Variants in KMT2C observed in about 807,000 individuals in gnomAD.
KMT2C encodes histone-lysine N-methyltransferase 2C.
A neutral mutation model predicts 507.9 loss-of-function variants in KMT2C; 88 were observed. The ratio of observed to expected loss-of-function variants is 0.17; its 90% CI spans 0.15 to 0.21. The LOEUF (loss-of-function observed/expected upper bound fraction) is 0.21. Ranked by LOEUF, KMT2C falls within the 10% of genes least tolerant of loss-of-function variation. The pLI, the probability that KMT2C is intolerant of heterozygous loss-of-function variation, is 1.00. For synonymous variants in KMT2C, 2,049 were observed against 2,080.8 expected (o/e 0.98, Z 0.42); for missense variants, 4,954 against 5,957.8 (o/e 0.83, Z 5.55).
chr7:152,212,621 A>G (rs1490974345), intron 23 of KMT2C, among the ~76,000 whole-genome samples: 1 of 151,696 alleles, frequency 6.6e-6, no homozygotes, highest in African/African-American at 2.4e-5. Context: ...TAATGATCTG[A>G]AAAAAAAATG....
rs965923474 is a variant in KMT2C at position 152,360,102 on chromosome 7, G to T, written c.162-1427C>A. Reference sequence around the variant, plus strand: ...GGGGGGGGGACAATATGAAATAAAAGAATAATATGAAAAAAGAATAAAACA... The same window carrying T: ...GGGGGGGGGACAATATGAAATAAAATAATAATATGAAAAAAGAATAAAACA... On this transcript the variant is annotated intron_variant, in intron 1 of 58. Coordinates refer to ENST00000262189, the MANE Select transcript of KMT2C (RefSeq NM_170606.3). Among the ~76,000 whole-genome samples the T allele has an allele frequency of 9.9e-5, 13 of 130,704 alleles. No individual in the cohort carries two copies. In the East Asian group the frequency reaches 1.7e-3, roughly 17 times the overall value. 85.7% of individuals were successfully genotyped at this position (130,704 alleles called of 152,430 possible). A position where few individuals can be genotyped will look rare whatever the true frequency, so the allele number is the denominator to read the frequency against.
intron 1 of KMT2C, among the ~76,000 whole-genome samples, chr7:152,388,405 A>G (rs2097453574): frequency 6.6e-6 from 1 of 152,028 alleles, no homozygotes; most frequent in Non-Finnish European, 1.5e-5. Context: ...CTAAAAATAC[A>G]AAAATTAGCC....
intron 50 of KMT2C, among the ~76,000 whole-genome samples, 195 bp from the exon 51 acceptor site, chr7:152,151,202 T>C (rs1339329903): frequency 6.6e-6 from 1 of 152,226 alleles, no homozygotes; most frequent in Non-Finnish European, 1.5e-5. Context: ...AACCAAACTA[T>C]GTGGTCCACG....
chr7:152,315,066 A>C (rs2096710453), intron 4 of KMT2C, 72 bp downstream of exon 4: 1 of 1,312,952 alleles, frequency 7.6e-7, no homozygotes, highest in Non-Finnish European at 1.1e-6. Context: ...TTGAAAATTT[A>C]TAAACATTAT....
chr7:152,210,622 C>T (rs1376939514), intron 23 of KMT2C, among the ~76,000 whole-genome samples: 2 of 151,562 alleles, frequency 1.3e-5, no homozygotes, highest in Non-Finnish European at 2.9e-5. Flanking sequence ...CCATTGTGGG[C>T]CATGGAAGCC....
intron 1 of KMT2C, among the ~76,000 whole-genome samples, chr7:152,430,184 G>GAAAAAAAAAA (rs59960992): frequency 1.1e-4 from 10 of 87,116 alleles, no homozygotes; most frequent in African/African-American, 4.2e-5. Flanking sequence ...TCAAAAAAAA[G>GAAAAAAAAAA]AAAAAAAAAA....
intron 6 of KMT2C, among the ~76,000 whole-genome samples, chr7:152,304,632 T>G (rs1219076419): frequency 6.6e-6 from 1 of 152,210 alleles, no homozygotes; most frequent in Admixed American, 6.5e-5. Flanking sequence ...AGGTTAAGTG[T>G]TTGTTTTCTT....
chr7:152,425,896 TTTAA>T (rs2097812001), intron 1 of KMT2C, among the ~76,000 whole-genome samples: 1 of 152,016 alleles, frequency 6.6e-6, no homozygotes, highest in Non-Finnish European at 1.5e-5. Flanking sequence ...AAGAAATCAT[TTTAA>T]AACCACCTAA....
chr7:152,332,172 G>C (rs1229296187), intron 2 of KMT2C, among the ~76,000 whole-genome samples: 1 of 151,966 alleles, frequency 6.6e-6, no homozygotes, highest in African/African-American at 2.4e-5. Flanking sequence ...CACCTTAAAT[G>C]TTCTTTCTCA....
Position 152,163,765 on chromosome 7 carries a change from T to C in KMT2C, c.9812A>G (p.Gln3271Arg), listed in dbSNP as rs1234798877. The stretch of plus-strand genomic sequence containing the variant: ...GGTAGGTGGGGCCATTGCACATTGC[T>C]GCTGCTGTTTGATCCGATAATCTTC... ...LIEDYRIKQQ[Q>R]QCAMAPPTMM... is the part of the protein sequence containing the mutation. The change falls in exon 43 of 59, where the codon CAG becomes CGG. Residue 3271 changes from glutamine (Q) to arginine (R), a missense_variant. Gln to Arg is a conservative substitution (Grantham distance 43). Coordinates refer to ENST00000262189, the MANE Select transcript of KMT2C (RefSeq NM_170606.3). 1.2e-6 allele frequency: 2 copies of C among 1,614,236 alleles called. No individual in the cohort carries two copies. The highest frequency in any genetic ancestry group is 3.3e-5 in the Admixed American group (2 of 60,030).
At chr7:152,373,561 TAAG>T (rs1474237566) in intron 1 of KMT2C, among the ~76,000 whole-genome samples, 2 of 152,168 alleles carry the variant, frequency 1.3e-5, no homozygotes, top group Non-Finnish European at 2.9e-5. Context: ...AGCTAAGTGA[TAAG>T]AAATAAGACA....
At chr7:152,227,799 A>G (rs1245604281) in intron 18 of KMT2C, among the ~76,000 whole-genome samples, 1 of 152,248 alleles carries the variant, frequency 6.6e-6, no homozygotes, top group African/African-American at 2.4e-5. Context: ...ACCAGGGGAA[A>G]GTACATCTAC....
chr7:152,159,147 T>A (rs1287457559), intron 43 of KMT2C, 75 bp from the exon 44 acceptor site: 11 of 1,226,208 alleles, frequency 9.0e-6, no homozygotes, highest in Admixed American at 6.9e-5. Flanking sequence ...AGTGCCAAGC[T>A]ATGACGCGTC....
chr7:152,213,771 G>A lies in KMT2C; in HGVS notation c.3713-6343C>T, dbSNP rs1012735877. The stretch of plus-strand genomic sequence containing the variant: ...GCAATAAAAAAAAAAAAAAAACACC[G>A]GGGTGAAAAGGTAGCACAGGGATTA... On this transcript the variant is annotated intron_variant, in intron 23 of 58. Transcript: ENST00000262189. Among the ~76,000 whole-genome samples the A allele has an allele frequency of 8.0e-5, 12 of 150,248 alleles. No homozygotes were observed. In the South Asian group the frequency reaches 1.5e-3, roughly 18 times the overall value.
intron 16 of KMT2C, among the ~76,000 whole-genome samples, 182 bp from the exon 17 acceptor site, chr7:152,230,503 C>T (rs182197304): frequency 3.3e-5 from 5 of 152,160 alleles, no homozygotes; most frequent in African/African-American, 9.7e-5. Context: ...TATTATTCAC[C>T]TAATTCTCTC....
chr7:152,272,028 T>C (rs1260538980), intron 7 of KMT2C, among the ~76,000 whole-genome samples: 1 of 152,118 alleles, frequency 6.6e-6, no homozygotes, highest in Non-Finnish European at 1.5e-5. Context: ...TTCATATTTA[T>C]CCTATCTAAA....
chr7:152,184,837 G>A (rs569170081), intron 34 of KMT2C, among the ~76,000 whole-genome samples: 2 of 152,290 alleles, frequency 1.3e-5, no homozygotes, highest in South Asian at 4.1e-4. Context: ...GAATGCAGTC[G>A]TACAATTCTG....
Position 152,222,592 on chromosome 7 carries a change from G to A in KMT2C, c.3414C>T (p.Pro1138=), listed in dbSNP as rs150537569. Residue 1138 remains proline (P), a synonymous_variant, in exon 21 of 59, where the codon CCC becomes CCT. Transcript: ENST00000262189. ...TCTTACCATTAGACGCAGGCATATA[G>A]GGTCTGCACATGCTACAATCAAAAC... ...DIGFDCSMCR[P]YMPASNVPSS... 6 of 1,593,280 alleles carry A rather than the reference G, an allele frequency of 3.8e-6. No individual in the cohort carries two copies. The South Asian group carries it at 6.6e-5, about 18-fold the overall frequency.
At chr7:152,191,766 C>A (rs1563331134) in intron 31 of KMT2C, among the ~76,000 whole-genome samples, 1 of 152,218 alleles carries the variant, frequency 6.6e-6, no homozygotes, top group Non-Finnish European at 1.5e-5. Context: ...AATGCCCACT[C>A]CCTTTGCTCT....
Sources: gnomAD v4.1 joint callset for allele counts (sites outside exome capture counted in the v4.1 genomes callset) on GRCh38, gnomAD v4.1.1 for gene constraint, MANE v1.5 for transcripts, NCBI Gene and HGNC (gene_info 2026-07-23, HGNC 2026-07-21) for gene names.